FLT3: variants seen among roughly 807,000 people sequenced by gnomAD.
FLT3 encodes receptor-type tyrosine-protein kinase FLT3.
In FLT3, 46 loss-of-function variants were observed where a neutral mutation model predicts 126.6. The ratio of observed to expected loss-of-function variants is 0.36; its 90% CI spans 0.29 to 0.46. FLT3 has a LOEUF of 0.46. Among genes scored for constraint, FLT3 ranks in the 20% least tolerant of loss-of-function variants. FLT3 has a pLI of 1.00. For missense variants in FLT3, 1,069 were observed against 1,190.3 expected, an observed-to-expected ratio of 0.90 and a Z score of 1.50; for synonymous variants, 404 against 434.4, an observed-to-expected ratio of 0.93 and a Z score of 0.87.
chr13:28,057,291 TCCTTTG>T, intron 4 of FLT3, 50 bp downstream of exon 4: 1 of 833,348 alleles, frequency 1.2e-6, no homozygotes, highest in South Asian at 1.3e-5. Flanking sequence ...TCTAAACCAC[TCCTTTG>T]AAATATTGTG....
intron 11 of FLT3, 119 bp from the exon 12 acceptor site, chr13:28,035,792 T>C: frequency 1.6e-6 from 2 of 1,242,340 alleles, no homozygotes; most frequent in Non-Finnish European, 1.1e-6. Context: ...AAACAGTCTA[T>C]GACTATTGAG....
chr13:28,031,604 A>G (rs1013775921), intron 15 of FLT3, among the ~76,000 whole-genome samples: 9 of 152,196 alleles, frequency 5.9e-5, no homozygotes, highest in Non-Finnish European at 1.2e-4. Context: ...CAAGGGCCTC[A>G]ATATTGTCTG....
At chr13:28,040,724 C>T (rs955126533) in intron 9 of FLT3, among the ~76,000 whole-genome samples, 1 of 152,072 alleles carries the variant, frequency 6.6e-6, no homozygotes, top group Non-Finnish European at 1.5e-5. Flanking sequence ...TGGGTGCGTG[C>T]AGGGGTTCAC....
intron 23 of FLT3, among the ~76,000 whole-genome samples, chr13:28,006,942 T>C (rs1323817796): frequency 2.0e-5 from 3 of 152,064 alleles, no homozygotes; most frequent in African/African-American, 7.2e-5. Context: ...GGTTTCACCA[T>C]GTTGACCAGG....
At chr13:28,043,236 A>T (rs1874543286) in intron 9 of FLT3, among the ~76,000 whole-genome samples, 1 of 152,070 alleles carries the variant, frequency 6.6e-6, no homozygotes, top group Admixed American at 6.6e-5. Context: ...GTAGATTTGG[A>T]ATTTGTAATT....
intron 19 of FLT3, among the ~76,000 whole-genome samples, chr13:28,021,299 A>T (rs993665971): frequency 1.3e-5 from 2 of 152,230 alleles, no homozygotes; most frequent in African/African-American, 2.4e-5. Context: ...CCAAGGCAGG[A>T]GGATCGCTTG....
intron 17 of FLT3, among the ~76,000 whole-genome samples, chr13:28,026,861 T>C (rs1872852219): frequency 6.6e-6 from 1 of 152,108 alleles, no homozygotes; most frequent in Non-Finnish European, 1.5e-5. Flanking sequence ...GATGCAGGCA[T>C]GGGTGGAGAG....
chr13:28,062,958 C>T (rs925563715), intron 2 of FLT3, among the ~76,000 whole-genome samples: 3 of 151,876 alleles, frequency 2.0e-5, no homozygotes, highest in Non-Finnish European at 4.4e-5. Context: ...TTTCAGTTGC[C>T]CAGTCTGTGG....
intron 9 of FLT3, among the ~76,000 whole-genome samples, chr13:28,044,787 T>C (rs539429353): frequency 6.6e-6 from 1 of 152,318 alleles, no homozygotes; most frequent in East Asian, 1.9e-4. Context: ...CTGGGTGTTG[T>C]GCTAAGAACC....
At chr13:28,088,255 C>G (rs1438621918) in intron 1 of FLT3, among the ~76,000 whole-genome samples, 1 of 151,978 alleles carries the variant, frequency 6.6e-6, no homozygotes, top group Non-Finnish European at 1.5e-5. Context: ...TAGTGGACTT[C>G]ACCAAAATGA....
chr13:28,038,187 C>T lies in FLT3; in HGVS notation c.1206-899G>A, dbSNP rs117755613. ...CAGGCTCTAGTGCCTACTTGGAGCACTCATCAACCACTCAATATTTTGACA... is the reference window on the plus strand; with the variant it reads ...CAGGCTCTAGTGCCTACTTGGAGCATTCATCAACCACTCAATATTTTGACA... On this transcript the variant is annotated intron_variant, in intron 9 of 23. Coordinates refer to ENST00000241453, the MANE Select transcript of FLT3 (RefSeq NM_004119.3). 5.9e-5 allele frequency among the ~76,000 whole-genome samples: 9 copies of T among 152,288 alleles called. No individual in the cohort carries two copies. The East Asian group carries it at 1.7e-3, about 29-fold the overall frequency.
intron 15 of FLT3, among the ~76,000 whole-genome samples, chr13:28,032,664 T>G (rs1873451649): frequency 6.6e-6 from 1 of 151,984 alleles, no homozygotes; most frequent in Non-Finnish European, 1.5e-5. Flanking sequence ...CACAAAGGAC[T>G]GAGTTTCAAA....
chr13:28,073,181 T>C (rs921372268), intron 1 of FLT3, among the ~76,000 whole-genome samples: 5 of 151,670 alleles, frequency 3.3e-5, no homozygotes, highest in African/African-American at 9.7e-5. Context: ...TCTCTAAAAA[T>C]TTTTTTTAAA....
chr13:28,091,366 C>G (rs7334433), intron 1 of FLT3, among the ~76,000 whole-genome samples: 4 of 149,280 alleles, frequency 2.7e-5, no homozygotes, highest in African/African-American at 7.4e-5. Context: ...GGACTACAGG[C>G]GCCCGCCACC....
intron 17 of FLT3, among the ~76,000 whole-genome samples, chr13:28,026,027 G>A (rs1286351561): frequency 6.6e-6 from 1 of 152,148 alleles, no homozygotes; most frequent in Admixed American, 6.5e-5. Flanking sequence ...GAATAAGGGA[G>A]AACTTCCATA....
At chr13:28,078,076 T>G (rs1367382032) in intron 1 of FLT3, among the ~76,000 whole-genome samples, 1 of 152,218 alleles carries the variant, frequency 6.6e-6, no homozygotes, top group African/African-American at 2.4e-5. Flanking sequence ...TTTCATGGGC[T>G]GGCATTGTGT....
At chr13:28,042,350 G>T (rs903015803) in intron 9 of FLT3, among the ~76,000 whole-genome samples, 1 of 151,890 alleles carries the variant, frequency 6.6e-6, no homozygotes, top group African/African-American at 2.4e-5. Context: ...AGATACTCAT[G>T]ATATATTTTA....
intron 23 of FLT3, among the ~76,000 whole-genome samples, chr13:28,008,147 C>T (rs566326278): frequency 2.4e-4 from 36 of 152,010 alleles, no homozygotes; most frequent in Middle Eastern, 3.4e-3. Context: ...CAGTTTGAGA[C>T]TAGCCTGCAC....
At chr13:28,019,272 C>A (rs1481498015) in intron 19 of FLT3, among the ~76,000 whole-genome samples, 1 of 152,128 alleles carries the variant, frequency 6.6e-6, no homozygotes, top group Non-Finnish European at 1.5e-5. Context: ...TGGCCAGCAT[C>A]TCTTTTCTGA....
Sources: gnomAD v4.1 joint callset for allele counts (sites outside exome capture counted in the v4.1 genomes callset) on GRCh38, gnomAD v4.1.1 for gene constraint, MANE v1.5 for transcripts, NCBI Gene and HGNC (gene_info 2026-07-23, HGNC 2026-07-21) for gene names.